Variants in CALHM3 observed in about 807,000 individuals in gnomAD.
CALHM3 encodes calcium homeostasis modulator 3, also known as calcium homeostasis modulator protein 3.
A neutral mutation model predicts 13.6 loss-of-function variants in CALHM3; 9 were observed. The ratio of observed to expected loss-of-function variants is 0.66; its 90% CI spans 0.40 to 1.15. The LOEUF (loss-of-function observed/expected upper bound fraction) is 1.15, where lower values mean the gene tolerates loss of function less well. Among genes scored for constraint, CALHM3 ranks in the 50% most tolerant of loss-of-function variants. The pLI is 0.01. For synonymous variants in CALHM3, 231 were observed against 213.2 expected (o/e 1.08, Z -0.73); for missense variants, 497 against 463.4 (o/e 1.07, Z -0.67).
In CALHM3 at chr10:103,473,429, C is replaced by T. The variant is rs1351985399; in HGVS notation, c.819G>A (p.Val273=). 3.3e-6 allele frequency: 5 copies of T among 1,525,724 alleles called. No homozygotes were observed. Among genetic ancestry groups the T allele is most frequent in the Non-Finnish European group, 3.5e-6 (4 of 1,132,678 alleles). The allele number at this position is 1,525,724 out of a possible 1,614,324, so 94.5% of individuals were successfully genotyped here. A position where few individuals can be genotyped will look rare whatever the true frequency, so the allele number is the denominator to read the frequency against. Reference sequence around the variant, plus strand: ...TATCCAGGCCTTCTGGGGGCTCAGGCACTGCGGGGAGCTCGAGTCTCCTGC... The same window carrying T: ...TATCCAGGCCTTCTGGGGGCTCAGGTACTGCGGGGAGCTCGAGTCTCCTGC... The part of the protein sequence containing the change: ...NAGRRLELPA[V]PEPPEGLDSG... The change falls in exon 3 of 3, where the codon GTG becomes GTA. Residue 273 remains valine, a synonymous_variant. Transcript: ENST00000369783.
chr10:103,478,467 T>A (rs1332352311), intron 1 of CALHM3, among the ~76,000 whole-genome samples: 2 of 152,252 alleles, frequency 1.3e-5, no homozygotes, highest in African/African-American at 4.8e-5. Context: ...TTGGGAATCC[T>A]GTGTCATTCC....
In CALHM3 at chr10:103,476,365, T is replaced by C. The variant is rs2033388481; in HGVS notation, c.472A>G (p.Lys158Glu). The C allele has an allele frequency of 6.4e-7, 1 of 1,551,698 alleles. No individual in the cohort carries two copies. Among genetic ancestry groups the C allele is most frequent in the Non-Finnish European group, 8.7e-7 (1 of 1,147,004 alleles). ...CTATCCCTGACCAGCTCATCCTCCT[T>C]GCAGGGAACCTTGGCCAGGAAGAGC... ...VQLFLAKVPC[K>E]EDELVRDSPA... Residue 158 changes from lysine to glutamate, a missense_variant, in exon 2 of 3, where the codon AAG (lysine) becomes GAG (glutamate). Coordinates refer to ENST00000369783, the MANE Select transcript of CALHM3 (RefSeq NM_001129742.2).
At chr10:103,474,149 A>G (rs999764791) in intron 2 of CALHM3, among the ~76,000 whole-genome samples, 2 of 152,132 alleles carry the variant, frequency 1.3e-5, no homozygotes, top group Non-Finnish European at 2.9e-5. Flanking sequence ...CTATTCAGTC[A>G]TCCGTCCTGC....
chr10:103,473,130 C>A lies in CALHM3; in HGVS notation c.*83G>T, dbSNP rs1199086017. 13 of 1,257,844 alleles carry A rather than the reference C, an allele frequency of 1.0e-5. No homozygotes were observed. In the East Asian group the frequency reaches 4.1e-4, roughly 39 times the overall value. The allele number at this position is 1,257,844 out of a possible 1,614,324, so 77.9% of individuals were successfully genotyped here. A position where few individuals can be genotyped will look rare whatever the true frequency, so the allele number is the denominator to read the frequency against. On this transcript the variant is annotated 3_prime_UTR_variant, in exon 3 of 3. Coordinates refer to ENST00000369783, the MANE Select transcript of CALHM3 (RefSeq NM_001129742.2). ...AGACTTAGGGTGCCTGCCGTGGGGT[C>A]CCCACGGCCTGGAAAGACTCCAGAA...
At chr10:103,474,854 T>C (rs1198141950) in intron 2 of CALHM3, among the ~76,000 whole-genome samples, 1 of 152,222 alleles carries the variant, frequency 6.6e-6, no homozygotes, top group East Asian at 1.9e-4. Context: ...TGGGAGGCAC[T>C]GTGCTAAGAA....
chr10:103,476,674 A>T (rs1484798137), intron 1 of CALHM3, 125 bp from the exon 2 acceptor site: 3 of 1,195,558 alleles, frequency 2.5e-6, no homozygotes, highest in Non-Finnish European at 3.5e-6. Flanking sequence ...CCCAGTGTAG[A>T]GGTCCCAGTG....
intron 2 of CALHM3, among the ~76,000 whole-genome samples, chr10:103,475,711 A>C (rs11191704): frequency 0.053 from 8,081 of 152,272 alleles, 712 homozygotes; most frequent in African/African-American, 0.18. Flanking sequence ...CTCCGTGTGT[A>C]GTGGGTTCAC....
At position 103,473,657 on chromosome 10, in the gene CALHM3, C is replaced by T. The variant is rs374285815; in HGVS notation, c.591G>A (p.Leu197=). Residue 197 remains leucine (L), a synonymous_variant, in exon 3 of 3, where the codon CTG becomes CTA. Transcript: ENST00000369783. ...CGAAGCAGGGCCTCAGGCAGCGGGC[C>T]AGGAAGGCCGCGATGATCAGCAGCA... ...VTLLLIIAAF[L]ARCLRPCFDQ... is the part of the protein sequence containing the mutation. 6.4e-7 allele frequency: 1 copy of T among 1,550,802 alleles called. No homozygotes were observed. The highest frequency in any genetic ancestry group is 1.2e-5 in the South Asian group (1 of 84,066).
Position 103,478,902 on chromosome 10 carries a change from A to G in CALHM3, c.131T>C (p.Leu44Pro). Residue 44 changes from leucine (L) to proline (P), a missense_variant, in exon 1 of 3, where the codon CTG becomes CCG. By Grantham distance (98) the Leu-to-Pro change is moderately conservative. Transcript: ENST00000369783. The stretch of plus-strand genomic sequence containing the variant: ...GCCGTAGAGTGCATTGTAGTGCACC[A>G]GGCAGGGACAGTTGAAGTCAAAGGA... ...YSSFDFNCPC[L>P]VHYNALYGLG... The G allele has an allele frequency of 1.3e-6, 2 of 1,551,774 alleles. No individual in the cohort carries two copies. Among genetic ancestry groups the G allele is most frequent in the Non-Finnish European group, 1.7e-6 (2 of 1,147,010 alleles).
At chr10:103,475,917 G>A (rs990242321) in intron 2 of CALHM3, among the ~76,000 whole-genome samples, 1 of 152,166 alleles carries the variant, frequency 6.6e-6, no homozygotes, top group South Asian at 2.1e-4. Context: ...CACTCCTTCC[G>A]ATCCCTGCTC....
chr10:103,476,071 AT>A (rs2033383678), intron 2 of CALHM3, among the ~76,000 whole-genome samples: 1 of 152,248 alleles, frequency 6.6e-6, no homozygotes, highest in African/African-American at 2.4e-5. Flanking sequence ...TGCCTGGCAC[AT>A]AAATGCTCAA....
Position 103,473,724 on chromosome 10 carries a change from G to A in CALHM3, c.544-20C>T, listed in dbSNP as rs761833781. 7 of 1,532,572 alleles carry A rather than the reference G, an allele frequency of 4.6e-6. No individual in the cohort carries two copies. Among genetic ancestry groups the A allele is most frequent in the South Asian group, 2.4e-5 (2 of 82,650 alleles). 94.9% of individuals were successfully genotyped at this position (1,532,572 alleles called of 1,614,324 possible). A position where few individuals can be genotyped will look rare whatever the true frequency, so the allele number is the denominator to read the frequency against. ...GATGGCCTGCAAAGTAAGGAGGCCC[G>A]AGGTTAGATGTGAGTGGGGCCTAAT... On this transcript the variant is annotated intron_variant, in intron 2 of 2. Transcript: ENST00000369783.
At position 103,478,890 on chromosome 10, in the gene CALHM3, T is replaced by A. The variant is rs893725365; in HGVS notation, c.143A>T (p.Asn48Ile). The A allele has an allele frequency of 3.2e-6, 5 of 1,551,526 alleles. No homozygotes were observed. In the African/African-American group the frequency reaches 6.8e-5, roughly 21 times the overall value. ...DFNCPCLVHYNALYGLGLLLT... is the reference protein window; with the variant it reads ...DFNCPCLVHYIALYGLGLLLT... Reference sequence around the variant, plus strand: ...CAGCAGGCCCAGGCCGTAGAGTGCATTGTAGTGCACCAGGCAGGGACAGTT... The same window carrying A: ...CAGCAGGCCCAGGCCGTAGAGTGCAATGTAGTGCACCAGGCAGGGACAGTT... Residue 48 changes from asparagine (N) to isoleucine (I), a missense_variant, in exon 1 of 3, where the codon AAT (asparagine) becomes ATT (isoleucine). Asn to Ile is a moderately radical substitution (Grantham distance 149). Coordinates refer to ENST00000369783, the MANE Select transcript of CALHM3 (RefSeq NM_001129742.2).
intron 2 of CALHM3, among the ~76,000 whole-genome samples, chr10:103,475,047 G>A (rs1356888483): frequency 6.6e-6 from 1 of 152,190 alleles, no homozygotes; most frequent in Admixed American, 6.5e-5. Context: ...AGGGGACAGT[G>A]TTCCCAGCCA....
chr10:103,473,198 A>C lies in CALHM3; in HGVS notation c.*15T>G. 7.4e-7 allele frequency: 1 copy of C among 1,345,658 alleles called. No individual in the cohort carries two copies. Among genetic ancestry groups the C allele is most frequent in the Non-Finnish European group, 9.6e-7 (1 of 1,044,896 alleles). The allele number at this position is 1,345,658 out of a possible 1,614,324, so 83.4% of individuals were successfully genotyped here. ...TTCACCTGCGAACACTGCCGCTTCA[A>C]GCCTGGCCAGGACCCTACACGTCGG... On this transcript the variant is annotated 3_prime_UTR_variant, in exon 3 of 3. Transcript: ENST00000369783.
intron 1 of CALHM3, 81 bp from the exon 2 acceptor site, chr10:103,476,630 G>A: frequency 6.7e-7 from 1 of 1,490,504 alleles, no homozygotes; most frequent in Non-Finnish European, 9.0e-7. Context: ...GGACTGCTGG[G>A]AAGTCCCAGG....
chr10:103,473,443 C>T lies in CALHM3; in HGVS notation c.805G>A (p.Glu269Lys), dbSNP rs978105444. 5.9e-6 allele frequency: 9 copies of T among 1,533,436 alleles called. No homozygotes were observed. Among genetic ancestry groups the T allele is most frequent in the African/African-American group, 2.7e-5 (2 of 72,762 alleles). The allele number at this position is 1,533,436 out of a possible 1,614,324, so 95.0% of individuals were successfully genotyped here. A position where few individuals can be genotyped will look rare whatever the true frequency, so the allele number is the denominator to read the frequency against. Reference protein sequence around the residue: ...LRRGNAGRRLELPAVPEPPEG... With the variant: ...LRRGNAGRRLKLPAVPEPPEG... ...GGGGGCTCAGGCACTGCGGGGAGCT[C>T]GAGTCTCCTGCCTGCATTGCCCCGG... is the stretch of plus-strand genomic sequence containing the variant. The change falls in exon 3 of 3, where the codon GAG becomes AAG. Residue 269 changes from glutamate to lysine, a missense_variant. Transcript: ENST00000369783.
chr10:103,478,940 G>C lies in CALHM3; in HGVS notation c.93C>G (p.Val31=), dbSNP rs1287277780. ...GICLLLAAVT[V]KLYSSFDFNC... ...TGAAGTCAAAGGAGGAGTACAGCTT[G>C]ACGGTGACCGCAGCCAGCAGCAGGC... The change falls in exon 1 of 3, where the codon GTC becomes GTG. Residue 31 remains valine (V), a synonymous_variant. Transcript: ENST00000369783. 1 of 1,551,624 alleles carries C rather than the reference G, an allele frequency of 6.4e-7. No individual in the cohort carries two copies. The highest frequency in any genetic ancestry group is 8.7e-7 in the Non-Finnish European group (1 of 1,147,010).
At chr10:103,478,647 A>G in intron 1 of CALHM3, 99 bp downstream of exon 1, 1 of 1,243,020 alleles carries the variant, frequency 8.0e-7, no homozygotes, top group Non-Finnish European at 1.1e-6. Context: ...CCTGATAATG[A>G]GAATGGTTGG....
Sources: gnomAD v4.1 joint callset for allele counts (sites outside exome capture counted in the v4.1 genomes callset) on GRCh38, gnomAD v4.1.1 for gene constraint, MANE v1.5 for transcripts, NCBI Gene and HGNC (gene_info 2026-07-23, HGNC 2026-07-21) for gene names.